The following CDK7 variants were observed in gnomAD, a reference collection of about 807,000 sequenced individuals.
CDK7 encodes the protein cyclin dependent kinase 7.
Under a neutral mutation model 49.1 loss-of-function variants are expected in CDK7, and 25 were observed. The ratio of observed to expected loss-of-function variants is 0.51; its 90% CI spans 0.37 to 0.71. The LOEUF (loss-of-function observed/expected upper bound fraction) is 0.71. Ranked by LOEUF, CDK7 falls within the 30% of genes least tolerant of loss-of-function variation. The pLI is 0.00. For synonymous variants in CDK7, 107 were observed against 140.0 expected (o/e 0.76, Z 1.67); for missense variants, 316 against 411.7 (o/e 0.77, Z 2.01).
chr5:69,243,926 G>A (rs200921776), intron 2 of CDK7, among the ~76,000 whole-genome samples: 32 of 135,590 alleles, frequency 2.4e-4, no homozygotes, highest in African/African-American at 8.8e-4. Flanking sequence ...TGTGCCTCCC[G>A]GGTTTGCGCC....
chr5:69,236,222 A>G (rs1380415406), intron 2 of CDK7, among the ~76,000 whole-genome samples: 1 of 150,002 alleles, frequency 6.7e-6, no homozygotes, highest in African/African-American at 2.5e-5. Context: ...GCCTGGTGAC[A>G]GAGGGAGACT....
At chr5:69,239,536 G>C (rs1371279970) in intron 2 of CDK7, among the ~76,000 whole-genome samples, 1 of 151,984 alleles carries the variant, frequency 6.6e-6, no homozygotes, top group Non-Finnish European at 1.5e-5. Context: ...CTCCCAAAGA[G>C]CTGGGATTAC....
intron 8 of CDK7, among the ~76,000 whole-genome samples, chr5:69,266,470 TC>T (rs1274086799): frequency 6.6e-6 from 1 of 151,956 alleles, no homozygotes; most frequent in Admixed American, 6.6e-5. Context: ...GCGCCTGTAA[TC>T]CCAGCTACTC....
At chr5:69,276,753 G>C in intron 11 of CDK7, 63 bp downstream of exon 11, 1 of 1,375,408 alleles carries the variant, frequency 7.3e-7, no homozygotes, top group African/African-American at 1.5e-5. Flanking sequence ...GCTCGTGTAT[G>C]GCTAGCGACT....
chr5:69,261,814 C>CCA (rs1219447581), intron 7 of CDK7, among the ~76,000 whole-genome samples: 1 of 152,114 alleles, frequency 6.6e-6, no homozygotes, highest in Non-Finnish European at 1.5e-5. Context: ...CAGGCGTGAG[C>CCA]CACCACACCC....
chr5:69,255,821 G>C, intron 5 of CDK7: 1 of 302,496 alleles, frequency 3.3e-6, no homozygotes, highest in Non-Finnish European at 6.2e-6. Context: ...TATAAGATTT[G>C]TTTGCTTTTT....
chr5:69,242,289 G>C (rs1749445354), intron 2 of CDK7, among the ~76,000 whole-genome samples: 1 of 152,170 alleles, frequency 6.6e-6, no homozygotes, highest in South Asian at 2.1e-4. Flanking sequence ...TAGGCAGTGG[G>C]CTAAGGAATG....
At chr5:69,236,266 C>G (rs1227031051) in intron 2 of CDK7, among the ~76,000 whole-genome samples, 1 of 151,134 alleles carries the variant, frequency 6.6e-6, no homozygotes, top group Non-Finnish European at 1.5e-5. Flanking sequence ...AGATTTGGGT[C>G]ATAATTACAT....
chr5:69,238,827 G>T (rs1024387956), intron 2 of CDK7, among the ~76,000 whole-genome samples: 2 of 151,748 alleles, frequency 1.3e-5, no homozygotes, highest in Admixed American at 6.6e-5. Flanking sequence ...CTCCCAAAGT[G>T]CTGAGATTAC....
chr5:69,245,257 CCCCTCCCCTCCCCCGTCCT>C (rs1192199923), intron 2 of CDK7, among the ~76,000 whole-genome samples: 1 of 141,682 alleles, frequency 7.1e-6, no homozygotes. Context: ...TGGTATTAGC[CCCCTCCCCTCCCCCGTCCT>C]CCCTCCTTTT....
intron 9 of CDK7, among the ~76,000 whole-genome samples, chr5:69,271,183 C>T (rs1751502063): frequency 1.3e-5 from 2 of 152,110 alleles, no homozygotes; most frequent in Non-Finnish European, 2.9e-5. Context: ...CATGATAGCT[C>T]ATTTTGATTT....
At position 69,258,204 on chromosome 5, in the gene CDK7, A is replaced by G. The variant is rs116434878; in HGVS notation, c.408+51A>G. The G allele has an allele frequency of 6.5e-4, 491 of 749,910 alleles. 1 individual carries two copies. In the African/African-American group the frequency reaches 7.8e-3, roughly 12 times the overall value. 46.5% of individuals were successfully genotyped at this position (749,910 alleles called of 1,614,324 possible). ...ATACTAGTCAAGTTTTATATAGCCAATTTGGTACATAGTGGTCTGAATATG... is the reference window on the plus strand; with the variant it reads ...ATACTAGTCAAGTTTTATATAGCCAGTTTGGTACATAGTGGTCTGAATATG... On this transcript the variant is annotated intron_variant, in intron 6 of 11. Coordinates refer to ENST00000256443, the MANE Select transcript of CDK7 (RefSeq NM_001799.4).
chr5:69,241,787 CT>C (rs1749408965), intron 2 of CDK7, among the ~76,000 whole-genome samples: 1 of 151,950 alleles, frequency 6.6e-6, no homozygotes, highest in Admixed American at 6.6e-5. Context: ...GTTGTTTGAG[CT>C]TCTTATATAT....
chr5:69,265,327 T>C (rs982850558), intron 8 of CDK7, among the ~76,000 whole-genome samples: 3 of 150,396 alleles, frequency 2.0e-5, no homozygotes, highest in Admixed American at 1.3e-4. Flanking sequence ...CAAAAAAAAA[T>C]TCTAAAGGCT....
chr5:69,272,165 T>A (rs935612300), intron 9 of CDK7, among the ~76,000 whole-genome samples: 1 of 152,208 alleles, frequency 6.6e-6, no homozygotes, highest in Non-Finnish European at 1.5e-5. Context: ...TTCATTGATT[T>A]AGTTTTTCAC....
At chr5:69,236,761 C>T (rs1376731735) in intron 2 of CDK7, among the ~76,000 whole-genome samples, 1 of 151,664 alleles carries the variant, frequency 6.6e-6, no homozygotes, top group Non-Finnish European at 1.5e-5. Context: ...AAGCACTTCT[C>T]CTGTCTCAGC....
At chr5:69,261,308 T>C (rs923682383) in intron 7 of CDK7, among the ~76,000 whole-genome samples, 1 of 152,186 alleles carries the variant, frequency 6.6e-6, no homozygotes, top group Non-Finnish European at 1.5e-5. Context: ...TTAACAGAGC[T>C]TTCTCATCTA....
intron 1 of CDK7, 21 bp downstream of exon 1, chr5:69,235,062 G>GGGGA: frequency 6.3e-7 from 1 of 1,589,034 alleles, no homozygotes; most frequent in Non-Finnish European, 8.6e-7. Context: ...CTGGAAGGAC[G>GGGGA]GGGAGGGCCC....
chr5:69,258,604 G>A (rs766478075), intron 6 of CDK7, among the ~76,000 whole-genome samples: 3 of 152,002 alleles, frequency 2.0e-5, no homozygotes, highest in South Asian at 4.1e-4. Flanking sequence ...GAATGGTCTC[G>A]ATCTCCTGGC....
Sources: allele counts gnomAD v4.1 joint callset (sites outside exome capture counted in the v4.1 genomes callset), GRCh38; gene constraint gnomAD v4.1.1; transcripts MANE v1.5; gene names NCBI Gene and HGNC (gene_info 2026-07-23, HGNC 2026-07-21).